OSBPL9: variants seen among roughly 807,000 people sequenced by gnomAD.
OSBPL9 encodes oxysterol-binding protein-related protein 9.
OSBPL9 carries 40 observed loss-of-function variants against 106.6 expected under a neutral mutation model. The ratio of observed to expected loss-of-function variants is 0.38; its 90% confidence interval spans 0.29 to 0.49. The LOEUF (loss-of-function observed/expected upper bound fraction) is 0.49. Among genes scored for constraint, OSBPL9 ranks in the 20% least tolerant of loss-of-function variants. OSBPL9 has a pLI of 0.97. For synonymous variants in OSBPL9, 269 were observed against 295.4 expected, an observed-to-expected ratio of 0.91 and a Z score of 0.92; for missense variants, 609 against 887.2, an observed-to-expected ratio of 0.69 and a Z score of 3.98.
chr1:51,652,960 C>T (rs1373540827), intron 2 of OSBPL9, among the ~76,000 whole-genome samples: 4 of 152,092 alleles, frequency 2.6e-5, no homozygotes, highest in Admixed American at 2.0e-4. Context: ...TTTCTGCATC[C>T]TTACTTTTGA....
At chr1:51,731,373 C>T (rs1285958634) in intron 4 of OSBPL9, among the ~76,000 whole-genome samples, 2 of 152,082 alleles carry the variant, frequency 1.3e-5, no homozygotes, top group Admixed American at 1.3e-4. Flanking sequence ...ATCCCTTGAG[C>T]CCAGAAGTTT....
At chr1:51,759,415 T>C (rs1476199628) in intron 9 of OSBPL9, 1 of 152,184 alleles carries the variant, frequency 6.6e-6, no homozygotes, top group Non-Finnish European at 1.5e-5. Context: ...ACAAAAACTT[T>C]ACCATTACCT....
chr1:51,764,094 A>T (rs1005113601), intron 11 of OSBPL9, among the ~76,000 whole-genome samples: 1 of 152,200 alleles, frequency 6.6e-6, no homozygotes, highest in Non-Finnish European at 1.5e-5. Flanking sequence ...TTGATTTTTC[A>T]TCCTAACTTC....
At chr1:51,613,644 T>C (rs1261059534), upstream of OSBPL9, among the ~76,000 whole-genome samples, 1 of 152,154 alleles carries the variant, frequency 6.6e-6, no homozygotes, top group Non-Finnish European at 1.5e-5. Flanking sequence ...AGAAATGGCT[T>C]TGTACCACAC....
At chr1:51,576,927 T>C (rs1426438018), upstream of OSBPL9, among the ~76,000 whole-genome samples, 2 of 152,228 alleles carry the variant, frequency 1.3e-5, no homozygotes, top group African/African-American at 4.8e-5. Flanking sequence ...TTTGAATGTA[T>C]GTCCCCACCA....
At chr1:51,780,688 C>T (rs1357079059) in intron 15 of OSBPL9, among the ~76,000 whole-genome samples, 2 of 152,084 alleles carry the variant, frequency 1.3e-5, no homozygotes, top group African/African-American at 4.8e-5. Context: ...ATTGCTTGAA[C>T]CTGGGAGGTG....
At position 51,773,534 on chromosome 1, in the gene OSBPL9, A is replaced by G. The variant is rs115849471; in HGVS notation, c.1170+811A>G. Among the ~76,000 whole-genome samples the G allele has an allele frequency of 5.7e-3, 861 of 152,316 alleles. 2 individuals are homozygous for G. Among genetic ancestry groups the G allele is most frequent in the African/African-American group, 0.02 (816 of 41,574 alleles). ...GACTGAGATTCTAATCTGCTCCATG[A>G]TTTTAAAACCTGTAATCTTTCCACT... On this transcript the variant is annotated intron_variant, in intron 14 of 23. Transcript: ENST00000428468.
chr1:51,662,955 A>G (rs1451711659), intron 2 of OSBPL9, among the ~76,000 whole-genome samples: 1 of 152,040 alleles, frequency 6.6e-6, no homozygotes, highest in Non-Finnish European at 1.5e-5. Flanking sequence ...CGTGTTAGCC[A>G]GGATGGTCTT....
chr1:51,605,964 CAAAA>C (rs1286803010), intron 2 of OSBPL9, among the ~76,000 whole-genome samples: 1 of 144,622 alleles, frequency 6.9e-6, no homozygotes, highest in Non-Finnish European at 1.5e-5. Flanking sequence ...GACTCCGTCT[CAAAA>C]GAAAGAAACA....
chr1:51,623,567 A>G (rs1303995377), intron 1 of OSBPL9, among the ~76,000 whole-genome samples: 1 of 152,210 alleles, frequency 6.6e-6, no homozygotes, highest in Non-Finnish European at 1.5e-5. Flanking sequence ...TATTCCTTGT[A>G]AAAGGAGTCG....
At chr1:51,558,087 T>C in the OSBPL9 span, among the ~76,000 whole-genome samples, 10 of 152,276 alleles carry the variant, frequency 6.6e-5, no homozygotes, top group East Asian at 5.8e-4. Flanking sequence ...AAGACCATCC[T>C]GGCTAACACG....
At chr1:51,695,664 A>G (rs1655868892) in intron 3 of OSBPL9, among the ~76,000 whole-genome samples, 1 of 152,154 alleles carries the variant, frequency 6.6e-6, no homozygotes, top group Non-Finnish European at 1.5e-5. Flanking sequence ...GGGTGTCTGA[A>G]GCCTAGAGAT....
intron 4 of OSBPL9, among the ~76,000 whole-genome samples, chr1:51,731,012 G>A (rs1664250574): frequency 6.6e-6 from 1 of 150,624 alleles, no homozygotes; most frequent in Non-Finnish European, 1.5e-5. Flanking sequence ...GTTAGCACCT[G>A]TCATTTATTT....
At chr1:51,639,115 G>T (rs1042074528) in intron 1 of OSBPL9, among the ~76,000 whole-genome samples, 1 of 152,042 alleles carries the variant, frequency 6.6e-6, no homozygotes, top group African/African-American at 2.4e-5. Context: ...TGTATAATTA[G>T]TTGAGTCTTT....
In OSBPL9 at chr1:51,659,229, A is replaced by G. The variant is rs145370080; in HGVS notation, c.162+7188A>G. ...GAGAATACCAAAGACGCAGTATCAC[A>G]TAGATAACATTCTTTGACAACAATG... On this transcript the variant is annotated intron_variant, in intron 2 of 23. Coordinates refer to ENST00000428468, the MANE Select transcript of OSBPL9 (RefSeq NM_024586.6). Among the ~76,000 whole-genome samples, 781 of 152,312 alleles carry G rather than the reference A, an allele frequency of 5.1e-3. 5 individuals carry two copies. The highest frequency in any genetic ancestry group is 0.012 in the South Asian group (60 of 4,828).
intron 12 of OSBPL9, among the ~76,000 whole-genome samples, chr1:51,766,923 A>AT (rs1378742667): frequency 1.3e-5 from 2 of 151,822 alleles, no homozygotes; most frequent in Admixed American, 1.3e-4. Flanking sequence ...CAAAAAAAAA[A>AT]AAAAATTAGC....
chr1:51,537,217 C>T, the OSBPL9 span, among the ~76,000 whole-genome samples: 1 of 152,092 alleles, frequency 6.6e-6, no homozygotes, highest in Non-Finnish European at 1.5e-5. Context: ...AAACATTACC[C>T]TTATTATTTT....
the OSBPL9 span, among the ~76,000 whole-genome samples, chr1:51,522,179 T>C: frequency 6.6e-6 from 1 of 152,124 alleles, no homozygotes; most frequent in Admixed American, 6.5e-5. Context: ...CATAAGAAAA[T>C]CAAGGAACAA....
At chr1:51,686,424 C>G (rs1395560935) in intron 3 of OSBPL9, among the ~76,000 whole-genome samples, 1 of 152,204 alleles carries the variant, frequency 6.6e-6, no homozygotes, top group Admixed American at 6.5e-5. Flanking sequence ...ATGTCTGTCT[C>G]TTTTACCATG....
Sources: gnomAD v4.1 joint callset for allele counts (sites outside exome capture counted in the v4.1 genomes callset) on GRCh38, gnomAD v4.1.1 for gene constraint, MANE v1.5 for transcripts, NCBI Gene and HGNC (gene_info 2026-07-23, HGNC 2026-07-21) for gene names.